The following LARP1 variants were observed in gnomAD, a reference collection of about 807,000 sequenced individuals.
LARP1 encodes the protein la-related protein 1.
In LARP1, 36 loss-of-function variants were observed where a neutral mutation model predicts 122.7. The ratio of observed to expected loss-of-function variants is 0.29; its 90% CI spans 0.22 to 0.39. The LOEUF is 0.39. LARP1 is among the 10% of genes least tolerant of loss of function. The pLI is 1.00. For synonymous variants in LARP1, 539 were observed against 528.7 expected (o/e 1.02, Z -0.27); for missense variants, 1,040 against 1,403.6 (o/e 0.74, Z 4.14).
intron 1 of LARP1, among the ~76,000 whole-genome samples, chr5:154,789,866 C>T (rs1470391647): frequency 1.3e-5 from 2 of 152,194 alleles, no homozygotes; most frequent in Non-Finnish European, 2.9e-5. Flanking sequence ...AGAGTTTTTA[C>T]TTTGCCTTCC....
Position 154,803,559 on chromosome 5 carries a change from C to T in LARP1, c.2253C>T (p.Ala751=). ...CTGCAGTTCCTACGGATGCCCTGGC[C>T]AACAAGTTGTTTGGTGCTCCTGAGC... is the stretch of plus-strand genomic sequence containing the variant. ...RFQQVPTDAL[A]NKLFGAPEPS... Residue 751 remains alanine, a synonymous_variant, in exon 13 of 19, where the codon GCC becomes GCT. Coordinates refer to ENST00000518297, the MANE Select transcript of LARP1 (RefSeq NM_033551.3). The surrounding 1 kb of genome is among the most constrained non-coding windows in gnomAD (Gnocchi z 4.4). 7 of 1,614,156 alleles carry T rather than the reference C, an allele frequency of 4.3e-6. No homozygotes were observed. Among genetic ancestry groups the T allele is most frequent in the Non-Finnish European group, 5.9e-6 (7 of 1,180,028 alleles).
intron 16 of LARP1, among the ~76,000 whole-genome samples, chr5:154,809,823 A>G (rs1461607066): frequency 6.7e-6 from 1 of 149,240 alleles, no homozygotes. Context: ...CTCCTGCCTC[A>G]GCCTACCGAG....
At chr5:154,689,618 TAAAAAA>T (rs61699481) in intron 1 of LARP1, among the ~76,000 whole-genome samples, 1 of 131,852 alleles carries the variant, frequency 7.6e-6, no homozygotes, top group African/African-American at 2.8e-5. Flanking sequence ...TGACTCCGTT[TAAAAAA>T]AAAAAAAAAA....
intron 10 of LARP1, among the ~76,000 whole-genome samples, chr5:154,801,534 T>A (rs1053259708): frequency 6.6e-6 from 1 of 152,216 alleles, no homozygotes; most frequent in African/African-American, 2.4e-5. Context: ...TCATTTATTA[T>A]ATAATTGAAC....
Position 154,809,830 on chromosome 5 carries a change from C to T in LARP1, c.2843+1227C>T, listed in dbSNP as rs1030908292. Reference sequence around the variant, plus strand: ...ACGCCATTCTCCTGCCTCAGCCTACCGAGTAGCTGGGACCACAGGCGCCTG... The same window carrying T: ...ACGCCATTCTCCTGCCTCAGCCTACTGAGTAGCTGGGACCACAGGCGCCTG... On this transcript the variant is annotated intron_variant, in intron 16 of 18. Transcript: ENST00000518297. Among the ~76,000 whole-genome samples, 9 of 151,694 alleles carry T rather than the reference C, an allele frequency of 5.9e-5. No individual in the cohort carries two copies. In the East Asian group the frequency reaches 1.6e-3, roughly 26 times the overall value.
At chr5:154,780,807 A>G (rs1018762220) in intron 1 of LARP1, among the ~76,000 whole-genome samples, 4 of 152,306 alleles carry the variant, frequency 2.6e-5, no homozygotes, top group African/African-American at 9.6e-5. Context: ...CATACCTGTA[A>G]TCCCAGTACC....
intron 8 of LARP1, among the ~76,000 whole-genome samples, chr5:154,798,622 C>T (rs80090739): frequency 0.014 from 2,140 of 152,084 alleles, 26 homozygotes; most frequent in Non-Finnish European, 0.025. Flanking sequence ...ACCATCTAGG[C>T]TCCCAAGTAG....
At chr5:154,799,512 ACCCAG>A (rs1364366243) in intron 8 of LARP1, 74 bp from the exon 9 acceptor site, 16 of 1,497,074 alleles carry the variant, frequency 1.1e-5, no homozygotes, top group Admixed American at 3.5e-5. Context: ...GCTCAGGGGA[ACCCAG>A]TTGTCTACCA....
rs773657177 is a variant in LARP1, at chr5:154,811,617, C to T, written c.3058C>T (p.Arg1020Cys). ...KLQEYLGKFR[R>C]LEDFRVDPPM... ...GCAAGAATACCTCGGCAAATTCCGA[C>T]GTCTTGAAGACTTCCGAGTAGATGT... Residue 1020 changes from arginine to cysteine, a missense_variant, in exon 18 of 19, where the codon CGT becomes TGT. Around this residue, in one of 8 missense-constraint regions of LARP1, gnomAD observed 129 missense variants for 160.8 expected, o/e 0.80. Coordinates refer to ENST00000518297, the MANE Select transcript of LARP1 (RefSeq NM_033551.3). The T allele has an allele frequency of 6.2e-7, 1 of 1,614,166 alleles. No homozygotes were observed. The highest frequency in any genetic ancestry group is 8.5e-7 in the Non-Finnish European group (1 of 1,180,046).
At chr5:154,742,027 C>T (rs1204249477) in intron 1 of LARP1, among the ~76,000 whole-genome samples, 1 of 152,144 alleles carries the variant, frequency 6.6e-6, no homozygotes, top group Non-Finnish European at 1.5e-5. Flanking sequence ...AGATATGTCT[C>T]AAATAGACCT....
At chr5:154,801,841 A>C (rs542386551) in intron 10 of LARP1, among the ~76,000 whole-genome samples, 166 bp from the exon 11 acceptor site, 3 of 152,248 alleles carry the variant, frequency 2.0e-5, no homozygotes, top group Non-Finnish European at 2.9e-5. Flanking sequence ...TCTCATAGTC[A>C]TAAAGCTGAC....
chr5:154,704,864 T>A (rs1343265812), intron 1 of LARP1, among the ~76,000 whole-genome samples: 1 of 152,020 alleles, frequency 6.6e-6, no homozygotes, highest in Non-Finnish European at 1.5e-5. Flanking sequence ...ACGCCTGTAA[T>A]TCTAGCTCTT....
intron 1 of LARP1, among the ~76,000 whole-genome samples, chr5:154,763,746 A>C (rs931638647): frequency 6.6e-6 from 1 of 151,870 alleles, no homozygotes; most frequent in African/African-American, 2.4e-5. Context: ...TCATGCCTGT[A>C]ACCCCAGCAC....
At chr5:154,743,688 G>A (rs1248409608) in intron 1 of LARP1, among the ~76,000 whole-genome samples, 1 of 148,304 alleles carries the variant, frequency 6.7e-6, no homozygotes, top group African/African-American at 2.5e-5. Context: ...GGCACGATCT[G>A]GACTTACTGC....
At chr5:154,689,239 G>C (rs890459027) in intron 1 of LARP1, among the ~76,000 whole-genome samples, 1 of 152,138 alleles carries the variant, frequency 6.6e-6, no homozygotes, top group African/African-American at 2.4e-5. Context: ...GGATCATGAG[G>C]TCAGGAGTTT....
At chr5:154,703,136 A>G (rs1213429638) in intron 1 of LARP1, among the ~76,000 whole-genome samples, 1 of 150,770 alleles carries the variant, frequency 6.6e-6, no homozygotes, top group African/African-American at 2.4e-5. Flanking sequence ...AAAAAAAAAA[A>G]AAAAAAAAAA....
At chr5:154,778,860 C>T (rs1756146297) in intron 1 of LARP1, among the ~76,000 whole-genome samples, 1 of 152,138 alleles carries the variant, frequency 6.6e-6, no homozygotes, top group Non-Finnish European at 1.5e-5. Flanking sequence ...ACAGGGGACA[C>T]CCAGTTAAAT....
chr5:154,747,073 T>G (rs1380014723), intron 1 of LARP1, among the ~76,000 whole-genome samples: 4 of 152,012 alleles, frequency 2.6e-5, no homozygotes, highest in Non-Finnish European at 5.9e-5. Flanking sequence ...GAGGGTGCAG[T>G]GAGCCGAGAT....
At chr5:154,744,140 G>T (rs1753055795) in intron 1 of LARP1, among the ~76,000 whole-genome samples, 1 of 152,110 alleles carries the variant, frequency 6.6e-6, no homozygotes, top group Non-Finnish European at 1.5e-5. Context: ...GGAAGCCTTG[G>T]CAGGGGAGGA....
Sources: gnomAD v4.1 joint callset for allele counts (sites outside exome capture counted in the v4.1 genomes callset) on GRCh38, gnomAD v4.1.1 for gene constraint, gnomAD v4.1.1 regional missense constraint, Gnocchi (gnomAD v3.1) non-coding constraint, MANE v1.5 for transcripts, NCBI Gene and HGNC (gene_info 2026-07-23, HGNC 2026-07-21) for gene names.